CLIP4: variants seen among roughly 807,000 people sequenced by gnomAD.
CLIP4 encodes the protein CAP-Gly domain-containing linker protein 4.
A neutral mutation model predicts 73.1 loss-of-function variants in CLIP4; 47 were observed. That is an observed-to-expected ratio of 0.64 (90% CI 0.51 to 0.82). CLIP4 has a LOEUF of 0.82. CLIP4 is among the 40% of genes least tolerant of loss of function. The pLI, the probability that CLIP4 is intolerant of heterozygous loss-of-function variation, is 0.00. For missense variants in CLIP4, 874 were observed against 852.9 expected, an observed-to-expected ratio of 1.02 and a Z score of -0.31; for synonymous variants, 306 against 295.4, an observed-to-expected ratio of 1.04 and a Z score of -0.37.
chr2:29,111,738 T>C (rs1011751938), upstream of CLIP4, among the ~76,000 whole-genome samples: 6 of 152,266 alleles, frequency 3.9e-5, no homozygotes, highest in Non-Finnish European at 5.9e-5. Flanking sequence ...CAGCCATCTG[T>C]TAATTTTTTC....
At chr2:29,143,345 TAA>T (rs1665908823) in intron 6 of CLIP4, among the ~76,000 whole-genome samples, 1 of 151,672 alleles carries the variant, frequency 6.6e-6, no homozygotes, top group Non-Finnish European at 1.5e-5. Flanking sequence ...CCACTTAATC[TAA>T]AGAGTTTCCC....
At chr2:29,121,619 T>G in intron 2 of CLIP4, 98 bp downstream of exon 2, 1 of 1,374,714 alleles carries the variant, frequency 7.3e-7, no homozygotes, top group East Asian at 2.5e-5. Context: ...ACCATTTTTA[T>G]GGTTTTCATA....
intron 6 of CLIP4, among the ~76,000 whole-genome samples, chr2:29,142,487 T>C (rs1665841641): frequency 1.3e-5 from 2 of 152,192 alleles, no homozygotes; most frequent in Non-Finnish European, 2.9e-5. Flanking sequence ...TATTTTTCTC[T>C]CTCTGTTTTT....
chr2:29,137,452 C>T (rs754867586), intron 6 of CLIP4, among the ~76,000 whole-genome samples: 1 of 152,076 alleles, frequency 6.6e-6, no homozygotes, highest in Non-Finnish European at 1.5e-5. Flanking sequence ...GATTCCATGG[C>T]TTTGCTATTA....
chr2:29,103,596 T>C (rs1262717937), intron 1 of CLIP4, among the ~76,000 whole-genome samples: 1 of 152,154 alleles, frequency 6.6e-6, no homozygotes, highest in Non-Finnish European at 1.5e-5. Flanking sequence ...TGAGAGGTTA[T>C]TTTATTTATT....
At position 29,157,333 on chromosome 2, in the gene CLIP4, C is replaced by T. The variant is rs201915073; in HGVS notation, c.1385C>T (p.Ser462Phe). The T allele has an allele frequency of 7.4e-6, 12 of 1,614,070 alleles. No homozygotes were observed. In the African/African-American group the frequency reaches 1.6e-4, roughly 22 times the overall value. The stretch of plus-strand genomic sequence containing the variant: ...ATGAGCAAAAGCCCTTCCCTTTCAT[C>T]CAGAGCCAGTGCTGGTATCTATGGC... ...KTMSKSPSLS[S>F]RASAGLNSSA... Residue 462 changes from serine to phenylalanine, a missense_variant, in exon 11 of 16, where the codon TCC becomes TTC. By Grantham distance (155) the Ser-to-Phe change is radical (BLOSUM62 -2). Transcript: ENST00000320081.
chr2:29,143,215 A>G (rs1416218248), intron 6 of CLIP4, among the ~76,000 whole-genome samples: 7 of 152,110 alleles, frequency 4.6e-5, no homozygotes, highest in Non-Finnish European at 7.3e-5. Context: ...TCCGTTTAGG[A>G]CCTGAGCACC....
intron 8 of CLIP4, among the ~76,000 whole-genome samples, chr2:29,149,056 T>C (rs945436847): frequency 6.6e-6 from 1 of 152,204 alleles, no homozygotes; most frequent in Non-Finnish European, 1.5e-5. Flanking sequence ...AGGGGCCGCA[T>C]GGTAAATGTT....
At chr2:29,159,429 C>A (rs1277568036) in intron 11 of CLIP4, among the ~76,000 whole-genome samples, 1 of 152,062 alleles carries the variant, frequency 6.6e-6, no homozygotes, top group Admixed American at 6.5e-5. Context: ...TCTAGGACTT[C>A]TATGTTTAAT....
intron 2 of CLIP4, among the ~76,000 whole-genome samples, chr2:29,125,071 C>G (rs1019376456): frequency 6.6e-6 from 1 of 152,110 alleles, no homozygotes; most frequent in African/African-American, 2.4e-5. Flanking sequence ...TAGTTGGACC[C>G]TTTGAGGTCC....
intron 14 of CLIP4, among the ~76,000 whole-genome samples, chr2:29,171,521 CTTT>C (rs71403652): frequency 8.6e-5 from 12 of 139,942 alleles, no homozygotes; most frequent in Admixed American, 1.4e-4. Context: ...TTAGGTTTTC[CTTT>C]TTTTTTTTTT....
chr2:29,162,439 A>C (rs1558569869), intron 12 of CLIP4, among the ~76,000 whole-genome samples: 1 of 152,182 alleles, frequency 6.6e-6, no homozygotes, highest in Non-Finnish European at 1.5e-5. Context: ...CTTGGAAAGA[A>C]AATTAACATT....
At chr2:29,145,408 A>G (rs1666087511) in intron 8 of CLIP4, 41 bp downstream of exon 8, 1 of 1,510,442 alleles carries the variant, frequency 6.6e-7, no homozygotes, top group Admixed American at 1.9e-5. Flanking sequence ...ATTAATTAAA[A>G]ATAATCAAGT....
At chr2:29,159,445 G>A (rs888199066) in intron 11 of CLIP4, among the ~76,000 whole-genome samples, 1 of 152,028 alleles carries the variant, frequency 6.6e-6, no homozygotes, top group Non-Finnish European at 1.5e-5. Flanking sequence ...TTAATAGTGG[G>A]CATTTCAAGG....
intron 1 of CLIP4, among the ~76,000 whole-genome samples, chr2:29,105,885 C>G (rs1196728326): frequency 2.0e-5 from 3 of 152,170 alleles, no homozygotes; most frequent in Non-Finnish European, 4.4e-5. Context: ...GAGTCTAGAA[C>G]CATGATAAAT....
At chr2:29,174,897 T>C in intron 15 of CLIP4, among the ~76,000 whole-genome samples, 1 of 152,208 alleles carries the variant, frequency 6.6e-6, no homozygotes, top group East Asian at 1.9e-4. Context: ...TTTTTTGTTT[T>C]GTTGCAGAGA....
At chr2:29,156,330 A>C in intron 9 of CLIP4, 24 bp from the exon 10 acceptor site, 1 of 1,501,606 alleles carries the variant, frequency 6.7e-7, no homozygotes, top group Non-Finnish European at 9.0e-7. Flanking sequence ...TTCTTGCTTA[A>C]AGTGTTTTAT....
intron 2 of CLIP4, among the ~76,000 whole-genome samples, chr2:29,127,708 C>A (rs1664698519): frequency 6.6e-6 from 1 of 152,064 alleles, no homozygotes; most frequent in Admixed American, 6.5e-5. Context: ...CTTAAAGTTA[C>A]CAGAAACCTG....
At chr2:29,150,834 G>C (rs1666514835) in intron 8 of CLIP4, among the ~76,000 whole-genome samples, 1 of 151,750 alleles carries the variant, frequency 6.6e-6, no homozygotes, top group Admixed American at 6.6e-5. Context: ...TGGCCAGGCT[G>C]GTCTTGAACT....
Sources: allele counts gnomAD v4.1 joint callset (sites outside exome capture counted in the v4.1 genomes callset), GRCh38; gene constraint gnomAD v4.1.1; transcripts MANE v1.5; gene names NCBI Gene and HGNC (gene_info 2026-07-23, HGNC 2026-07-21).